Variants in RGS6 observed in about 807,000 individuals in gnomAD.
The protein encoded by RGS6 is regulator of G-protein signaling 6.
Under a neutral mutation model 78.5 loss-of-function variants are expected in RGS6, and 30 were observed. That is an observed-to-expected ratio of 0.38 (90% CI 0.29 to 0.52). The LOEUF is 0.52. Among genes scored for constraint, RGS6 ranks in the 20% least tolerant of loss-of-function variants. The probability of loss-of-function intolerance (pLI) is 0.85; values close to 1 mark genes in which losing one functional copy is unlikely to be tolerated. For missense variants in RGS6, 495 were observed against 609.7 expected (o/e 0.81, Z 1.98); for synonymous variants, 206 against 206.0 (o/e 1.00, Z 0.00).
At chr14:72,386,190 C>CT (rs1430340183) in intron 3 of RGS6, among the ~76,000 whole-genome samples, 1 of 152,134 alleles carries the variant, frequency 6.6e-6, no homozygotes, top group Non-Finnish European at 1.5e-5. Context: ...TTTTATCTTA[C>CT]TTTCTCCCAT....
intron 2 of RGS6, among the ~76,000 whole-genome samples, chr14:71,991,734 C>T (rs570249111): frequency 2.0e-5 from 3 of 152,202 alleles, no homozygotes; most frequent in South Asian, 4.1e-4. Flanking sequence ...TGGGAAGCTT[C>T]TTTTCACATA....
intron 2 of RGS6, among the ~76,000 whole-genome samples, chr14:72,093,054 G>C (rs1050900093): frequency 6.6e-5 from 10 of 151,938 alleles, no homozygotes; most frequent in South Asian, 4.2e-4. Flanking sequence ...GTGTGTGTGT[G>C]TGTGTGTATA....
intron 2 of RGS6, chr14:72,022,621 A>G (rs139517976): frequency 7.9e-5 from 12 of 152,342 alleles, no homozygotes; most frequent in South Asian, 2.1e-4. Context: ...CTCAGGTCCA[A>G]TGGAATCCAC....
At chr14:72,169,724 T>G (rs1053763274) in intron 2 of RGS6, among the ~76,000 whole-genome samples, 3 of 152,234 alleles carry the variant, frequency 2.0e-5, no homozygotes, top group Admixed American at 1.3e-4. Flanking sequence ...TGACTGAGAC[T>G]GGCCAATGGG....
At chr14:71,949,103 A>ATAT (rs78846657) in intron 1 of RGS6, among the ~76,000 whole-genome samples, 42,585 of 151,872 alleles carry the variant, frequency 0.28, 6,542 homozygotes, top group Admixed American at 0.35. Flanking sequence ...TAGGTTAGAC[A>ATAT]TATGAATAGT....
At chr14:72,407,183 CAT>C (rs1272499813) in intron 3 of RGS6, among the ~76,000 whole-genome samples, 2 of 152,230 alleles carry the variant, frequency 1.3e-5, no homozygotes, top group Non-Finnish European at 2.9e-5. Flanking sequence ...ACCTTTAACT[CAT>C]GTGGTAAAAG....
At chr14:72,146,512 C>T (rs2096609289) in intron 2 of RGS6, among the ~76,000 whole-genome samples, 1 of 152,144 alleles carries the variant, frequency 6.6e-6, no homozygotes, top group African/African-American at 2.4e-5. Context: ...GGCAAATTCC[C>T]CTCCAGCTGT....
At chr14:72,312,368 G>A (rs999786760) in intron 2 of RGS6, among the ~76,000 whole-genome samples, 7 of 152,114 alleles carry the variant, frequency 4.6e-5, no homozygotes, top group Admixed American at 1.3e-4. Flanking sequence ...GCCAAGGAAC[G>A]TTAGTAAAGA....
intron 2 of RGS6, among the ~76,000 whole-genome samples, chr14:72,341,856 G>C (rs118095437): frequency 0.016 from 2,510 of 152,282 alleles, 31 homozygotes; most frequent in Non-Finnish European, 0.026. Flanking sequence ...GAAAGGATGA[G>C]TGATCCTAGA....
intron 2 of RGS6, among the ~76,000 whole-genome samples, chr14:72,261,510 T>C (rs1182696721): frequency 6.6e-6 from 1 of 152,058 alleles, no homozygotes; most frequent in East Asian, 1.9e-4. Flanking sequence ...GTGAAAGTGA[T>C]GGAAAAATGA....
chr14:71,974,458 T>C (rs914895021), intron 2 of RGS6, among the ~76,000 whole-genome samples: 1 of 152,100 alleles, frequency 6.6e-6, no homozygotes, highest in African/African-American at 2.4e-5. Flanking sequence ...GTAAATAATA[T>C]CCAAAGTTTG....
intron 2 of RGS6, among the ~76,000 whole-genome samples, chr14:72,116,734 C>T (rs887112895): frequency 6.6e-6 from 1 of 151,872 alleles, no homozygotes; most frequent in Non-Finnish European, 1.5e-5. Context: ...GAGGCCGAGG[C>T]AGGCAGATCA....
intron 14 of RGS6, among the ~76,000 whole-genome samples, chr14:72,515,527 A>G (rs1598570868): frequency 6.6e-6 from 1 of 152,254 alleles, no homozygotes; most frequent in Non-Finnish European, 1.5e-5. Context: ...TTAGCTGAGC[A>G]TGGTGACATG....
At chr14:72,390,613 G>A (rs1003887052) in intron 3 of RGS6, among the ~76,000 whole-genome samples, 1 of 152,102 alleles carries the variant, frequency 6.6e-6, no homozygotes, top group Non-Finnish European at 1.5e-5. Flanking sequence ...GTTATCCTCA[G>A]ATTAAAATAT....
chr14:72,135,618 T>C (rs77632779), intron 2 of RGS6, among the ~76,000 whole-genome samples: 16 of 133,338 alleles, frequency 1.2e-4, no homozygotes, highest in African/African-American at 3.3e-4. Flanking sequence ...CCTAATATTC[T>C]TTTTTTTTTC....
chr14:71,946,932 A>G (rs1261254501), intron 1 of RGS6, among the ~76,000 whole-genome samples: 4 of 152,220 alleles, frequency 2.6e-5, no homozygotes, highest in Non-Finnish European at 5.9e-5. Context: ...TATTTGTCAT[A>G]TTTACTGAAA....
intron 3 of RGS6, among the ~76,000 whole-genome samples, chr14:72,386,414 T>C (rs1170882155): frequency 6.6e-6 from 1 of 152,146 alleles, no homozygotes; most frequent in Non-Finnish European, 1.5e-5. Flanking sequence ...TTTGCATGCT[T>C]GTAGTCCCAG....
At chr14:72,012,367 T>A (rs2085950593) in intron 2 of RGS6, among the ~76,000 whole-genome samples, 1 of 152,268 alleles carries the variant, frequency 6.6e-6, no homozygotes, top group Admixed American at 6.5e-5. Flanking sequence ...TATTTATAAT[T>A]TGTAAAACTT....
intron 2 of RGS6, among the ~76,000 whole-genome samples, chr14:72,189,644 C>G (rs139264352): frequency 1.2e-4 from 18 of 152,222 alleles, no homozygotes; most frequent in African/African-American, 3.9e-4. Context: ...GATGCTAGCT[C>G]TGAAGAATAG....
Sources: gnomAD v4.1 joint callset for allele counts (sites outside exome capture counted in the v4.1 genomes callset) on GRCh38, gnomAD v4.1.1 for gene constraint, MANE v1.5 for transcripts, NCBI Gene and HGNC (gene_info 2026-07-23, HGNC 2026-07-21) for gene names.